Variants in AGPAT5 observed in about 807,000 individuals in gnomAD.
The protein encoded by AGPAT5 is 1-acyl-sn-glycerol-3-phosphate acyltransferase epsilon.
A neutral mutation model predicts 45.6 loss-of-function variants in AGPAT5; 46 were observed. The ratio of observed to expected loss-of-function variants is 1.01; its 90% confidence interval spans 0.80 to 1.29. The LOEUF is 1.29. Among genes scored for constraint, AGPAT5 ranks in the 50% most tolerant of loss-of-function variants. The pLI, the probability that AGPAT5 is intolerant of heterozygous loss-of-function variation, is 0.00. For synonymous variants in AGPAT5, 272 were observed against 167.0 expected (o/e 1.63, Z -4.85); for missense variants, 673 against 450.7 (o/e 1.49, Z -4.47).
chr8:6,737,686 T>C (rs1433283957), intron 4 of AGPAT5, among the ~76,000 whole-genome samples: 2 of 152,256 alleles, frequency 1.3e-5, no homozygotes, highest in Non-Finnish European at 2.9e-5. Context: ...CCTTTTCAGA[T>C]AGGAGGCAGC....
At chr8:6,737,276 G>A (rs575253814) in intron 4 of AGPAT5, among the ~76,000 whole-genome samples, 17 of 152,252 alleles carry the variant, frequency 1.1e-4, no homozygotes, top group East Asian at 7.7e-4. Context: ...CTGTGAGAGC[G>A]GATACATCTT....
At chr8:6,716,490 G>GCT (rs1800333803) in intron 1 of AGPAT5, among the ~76,000 whole-genome samples, 1 of 152,004 alleles carries the variant, frequency 6.6e-6, no homozygotes, top group African/African-American at 2.4e-5. Context: ...GAACATGGGA[G>GCT]GTAGAGGCTC....
intron 1 of AGPAT5, among the ~76,000 whole-genome samples, chr8:6,715,649 A>T (rs539128024): frequency 6.6e-6 from 1 of 152,208 alleles, no homozygotes; most frequent in African/African-American, 2.4e-5. Flanking sequence ...CTGCCTGGCA[A>T]TGTGGTTATA....
At position 6,758,254 on chromosome 8, in the gene AGPAT5, C is replaced by G. The variant is rs1033924502; in HGVS notation, c.*866C>G. On this transcript the variant is annotated 3_prime_UTR_variant, in exon 8 of 8. Transcript: ENST00000285518. ...GTCGGTGTGAACCTTGGTTGGACCC[C>G]AAGTTCACAAGATTTTTAAGGTGAT... is the stretch of plus-strand genomic sequence containing the variant. 1.3e-5 allele frequency: 2 copies of G among 152,502 alleles called. No individual in the cohort carries two copies. Among genetic ancestry groups the G allele is most frequent in the African/African-American group, 2.4e-5 (1 of 41,402 alleles). The allele number at this position is 152,502 out of a possible 1,614,324, so 9.4% of individuals were successfully genotyped here.
At chr8:6,743,832 A>T (rs1801327672) in intron 5 of AGPAT5, among the ~76,000 whole-genome samples, 1 of 151,956 alleles carries the variant, frequency 6.6e-6, no homozygotes, top group African/African-American at 2.4e-5. Flanking sequence ...GACATACTTA[A>T]GCTTTTTGAA....
chr8:6,744,630 TACC>T (rs979860094), intron 5 of AGPAT5, among the ~76,000 whole-genome samples: 4 of 152,204 alleles, frequency 2.6e-5, no homozygotes, highest in Non-Finnish European at 4.4e-5. Context: ...GCTCTGCTTT[TACC>T]ACCTTGAAGT....
intron 5 of AGPAT5, among the ~76,000 whole-genome samples, chr8:6,743,794 G>C (rs1418386132): frequency 6.6e-6 from 1 of 151,252 alleles, no homozygotes; most frequent in Non-Finnish European, 1.5e-5. Context: ...TAATTGCCAT[G>C]GTTAAAACCA....
chr8:6,729,505 C>T lies in AGPAT5; in HGVS notation c.290-1206C>T, dbSNP rs542456558. ...ATGTGTGTATTAACTAGAGAAGTCT[C>T]CCTTACATTTCATTTTTATGTTTTC... On this transcript the variant is annotated intron_variant, in intron 2 of 7. Coordinates refer to ENST00000285518, the MANE Select transcript of AGPAT5 (RefSeq NM_018361.5). Among the ~76,000 whole-genome samples the T allele has an allele frequency of 6.3e-5, 4 of 63,150 alleles. No homozygotes were observed. In the African/African-American group the frequency reaches 6.9e-4, roughly 11 times the overall value. 41.4% of individuals were successfully genotyped at this position (63,150 alleles called of 152,430 possible). A position where few individuals can be genotyped will look rare whatever the true frequency, so the allele number is the denominator to read the frequency against.
At chr8:6,754,524 C>G (rs1801765904) in intron 6 of AGPAT5, among the ~76,000 whole-genome samples, 1 of 152,146 alleles carries the variant, frequency 6.6e-6, no homozygotes, top group African/African-American at 2.4e-5. Context: ...TGAGGATTAT[C>G]AGGCGCCTGT....
intron 1 of AGPAT5, among the ~76,000 whole-genome samples, chr8:6,718,808 A>G (rs1800411377): frequency 6.6e-6 from 1 of 152,226 alleles, no homozygotes; most frequent in African/African-American, 2.4e-5. Flanking sequence ...TTCATTCCTG[A>G]TCATCCTCAA....
intron 1 of AGPAT5, among the ~76,000 whole-genome samples, chr8:6,714,847 A>G (rs1042037026): frequency 6.6e-6 from 1 of 152,234 alleles, no homozygotes; most frequent in Non-Finnish European, 1.5e-5. Flanking sequence ...AGCACTCCGT[A>G]TATACCTAGT....
intron 1 of AGPAT5, among the ~76,000 whole-genome samples, chr8:6,722,692 TCTC>T (rs765603739): frequency 1.8e-4 from 27 of 152,298 alleles, no homozygotes; most frequent in Non-Finnish European, 3.2e-4. Flanking sequence ...ATTCAGGCCT[TCTC>T]CTGAAAGCCA....
Position 6,757,383 on chromosome 8 carries a change from G to A in AGPAT5, c.1090G>A (p.Ala364Thr), listed in dbSNP as rs769976234. Residue 364 changes from alanine (A) to threonine (T), a missense_variant, in exon 8 of 8, where the codon GCA (alanine) becomes ACA (threonine). Transcript: ENST00000285518. ...TGGCTGCCTGTGGGTTACTATTAAA[G>A]CATAGACAAGTAGCTGTCTCCAGAC... is the stretch of plus-strand genomic sequence containing the variant. ...LLGCLWVTIKA is the reference protein window; with the variant it reads ...LLGCLWVTIKT The A allele has an allele frequency of 2.5e-5, 41 of 1,613,604 alleles. No homozygotes were observed. The highest frequency in any genetic ancestry group is 3.3e-5 in the Non-Finnish European group (39 of 1,179,644).
intron 6 of AGPAT5, among the ~76,000 whole-genome samples, chr8:6,754,622 G>A (rs1400823598): frequency 6.6e-6 from 1 of 152,154 alleles, no homozygotes; most frequent in Non-Finnish European, 1.5e-5. Flanking sequence ...CAGTCTGGTG[G>A]GGAGGCAGCA....
chr8:6,724,241 C>T (rs1800606234), intron 1 of AGPAT5, among the ~76,000 whole-genome samples: 2 of 152,292 alleles, frequency 1.3e-5, no homozygotes, highest in South Asian at 4.1e-4. Flanking sequence ...CAGAGCCACC[C>T]TTCTGGTCTC....
intron 5 of AGPAT5, chr8:6,746,023 A>G (rs1040518594): frequency 7.7e-6 from 1 of 129,438 alleles, no homozygotes; most frequent in African/African-American, 3.0e-5. Context: ...TCCTTCCCTC[A>G]CTCGTTCTCT....
At chr8:6,744,796 T>TGCCCCA (rs1226280125) in intron 5 of AGPAT5, among the ~76,000 whole-genome samples, 12 of 152,348 alleles carry the variant, frequency 7.9e-5, no homozygotes, top group African/African-American at 2.9e-4. Context: ...AGCTCTTGTC[T>TGCCCCA]GCCCCAGCCC....
chr8:6,735,640 C>G (rs1005870038), intron 4 of AGPAT5, among the ~76,000 whole-genome samples: 2 of 152,100 alleles, frequency 1.3e-5, no homozygotes, highest in Admixed American at 1.3e-4. Flanking sequence ...AACCTTGCAG[C>G]TCTCTGAAGG....
At chr8:6,755,752 T>C (rs1038610375) in intron 7 of AGPAT5, among the ~76,000 whole-genome samples, 1 of 152,242 alleles carries the variant, frequency 6.6e-6, no homozygotes, top group East Asian at 1.9e-4. Context: ...TGTTCTTCTT[T>C]TCCTTGTTTT....
Sources: gnomAD v4.1 joint callset for allele counts (sites outside exome capture counted in the v4.1 genomes callset) on GRCh38, gnomAD v4.1.1 for gene constraint, MANE v1.5 for transcripts, NCBI Gene and HGNC (gene_info 2026-07-23, HGNC 2026-07-21) for gene names.